The following MBP variants were observed in gnomAD, a reference collection of about 807,000 sequenced individuals.
MBP encodes the protein myelin basic protein, also known as Golli-MBP.
In MBP, 16 loss-of-function variants were observed where a neutral mutation model predicts 35.8. The ratio of observed to expected loss-of-function variants is 0.45; its 90% CI spans 0.30 to 0.68. The LOEUF is 0.68. Ranked by LOEUF, MBP falls within the 30% of genes least tolerant of loss-of-function variation. MBP has a pLI of 0.08. For synonymous variants in MBP, 143 were observed against 159.6 expected (o/e 0.90, Z 0.78); for missense variants, 380 against 404.7 (o/e 0.94, Z 0.52).
intron 2 of MBP, among the ~76,000 whole-genome samples, chr18:77,088,547 C>A (rs1016678324): frequency 6.6e-6 from 1 of 152,084 alleles, no homozygotes; most frequent in Non-Finnish European, 1.5e-5. Flanking sequence ...ATGATGCATG[C>A]GTATGATAAT....
At chr18:77,009,285 A>T (rs1382517911) in intron 4 of MBP, among the ~76,000 whole-genome samples, 5 of 152,210 alleles carry the variant, frequency 3.3e-5, no homozygotes, top group African/African-American at 9.6e-5. Flanking sequence ...ACACAAGGAG[A>T]AGAGGACAGG....
intron 1 of MBP, chr18:77,115,702 A>G (rs1186286202): frequency 6.6e-6 from 1 of 152,240 alleles, no homozygotes. Context: ...AGATCCTTCC[A>G]GATTGCAATA....
chr18:77,066,549 C>T (rs376397995), intron 2 of MBP, 164 bp from the exon 3 acceptor site: 41 of 766,370 alleles, frequency 5.3e-5, no homozygotes, highest in Middle Eastern at 4.5e-4. Context: ...GGGTTTTCTG[C>T]GCAGGATTCG....
At chr18:77,047,725 A>G (rs887301034) in intron 3 of MBP, among the ~76,000 whole-genome samples, 1 of 152,266 alleles carries the variant, frequency 6.6e-6, no homozygotes, top group African/African-American at 2.4e-5. Context: ...ACTTTTCAAC[A>G]AAACAGAAAA....
intron 2 of MBP, among the ~76,000 whole-genome samples, chr18:77,076,002 T>C (rs924387637): frequency 1.3e-5 from 2 of 152,244 alleles, no homozygotes; most frequent in Non-Finnish European, 2.9e-5. Context: ...ACATTTATCA[T>C]GAACCTTCGC....
intron 2 of MBP, among the ~76,000 whole-genome samples, chr18:77,078,989 C>T (rs754725088): frequency 9.2e-5 from 14 of 152,228 alleles, no homozygotes; most frequent in Non-Finnish European, 1.8e-4. Flanking sequence ...GTCAGGCGCT[C>T]AGCCATCACT....
At chr18:77,122,722 C>G (rs1030723625) in intron 1 of MBP, among the ~76,000 whole-genome samples, 1 of 151,962 alleles carries the variant, frequency 6.6e-6, no homozygotes, top group African/African-American at 2.4e-5. Flanking sequence ...TTTGTATTTT[C>G]AGTAGAGACA....
At chr18:77,058,848 T>G (rs763433173) in intron 3 of MBP, among the ~76,000 whole-genome samples, 4 of 152,218 alleles carry the variant, frequency 2.6e-5, no homozygotes, top group Non-Finnish European at 2.9e-5. Flanking sequence ...ACGCTGCAGT[T>G]CAACATTTTC....
intron 1 of MBP, among the ~76,000 whole-genome samples, chr18:77,119,078 G>A (rs543357517): frequency 1.4e-4 from 21 of 152,292 alleles, no homozygotes; most frequent in African/African-American, 4.1e-4. Flanking sequence ...AGGGGAAAGC[G>A]AAGACCACAG....
rs1265091212 is a variant in MBP, at chr18:76,984,811, G to A, written c.834C>T (p.Val278=). ...TTTTGGAAAGCGTGCCCTGGGCATC[G>A]ACTCCCTTGAATCCCTTGTGAGCCG... is the stretch of plus-strand genomic sequence containing the variant. The part of the protein sequence containing the change: ...YKSAHKGFKG[V]DAQGTLSKIF... The change falls in exon 8 of 9, where the codon GTC becomes GTT. Residue 278 remains valine (V), a synonymous_variant. Coordinates refer to ENST00000355994, the MANE Select transcript of MBP (RefSeq NM_001025101.2). 2 of 1,614,090 alleles carry A rather than the reference G, an allele frequency of 1.2e-6. No homozygotes were observed. The highest frequency in any genetic ancestry group is 1.1e-5 in the South Asian group (1 of 91,072).
At chr18:77,098,248 G>A (rs532119721) in intron 2 of MBP, among the ~76,000 whole-genome samples, 1 of 136,592 alleles carries the variant, frequency 7.3e-6, no homozygotes, top group Admixed American at 8.1e-5. Flanking sequence ...CACTTGCTAT[G>A]TACAAGGGGG....
Position 77,131,085 on chromosome 18 carries a change from GCACA to G in MBP, c.-26+1491_-26+1494del, listed in dbSNP as rs1156767144. ...AACACACACACGCGCGCACGCACGC[GCACA>G]CACACACACACACACACACACACAC... On this transcript the variant is annotated intron_variant, in intron 1 of 8. Transcript: ENST00000355994. The surrounding 1 kb of genome is among the most constrained non-coding windows in gnomAD (Gnocchi z 5.5). 0.015 allele frequency among the ~76,000 whole-genome samples: 805 copies of G among 53,362 alleles called. 28 individuals carry two copies. The South Asian group carries it at 0.19, about 13-fold the overall frequency. 35.0% of individuals were successfully genotyped at this position (53,362 alleles called of 152,430 possible).
intron 3 of MBP, among the ~76,000 whole-genome samples, chr18:77,047,709 G>A (rs1426815949): frequency 6.6e-6 from 1 of 152,078 alleles, no homozygotes; most frequent in Non-Finnish European, 1.5e-5. Context: ...TTGTTGCTTC[G>A]ACACAACTTT....
intron 2 of MBP, among the ~76,000 whole-genome samples, chr18:77,083,154 A>G (rs1975044979): frequency 2.6e-5 from 4 of 152,012 alleles, no homozygotes; most frequent in Admixed American, 6.6e-5. Context: ...TTTAGTAAAA[A>G]CAGGGTTTTG....
intron 1 of MBP, among the ~76,000 whole-genome samples, chr18:77,107,979 A>T (rs1296388377): frequency 1.3e-5 from 2 of 152,346 alleles, no homozygotes; most frequent in South Asian, 4.1e-4. Flanking sequence ...CAAAACGACA[A>T]CTTGATGTGT....
chr18:76,983,582 G>C (rs1599456863), intron 8 of MBP: 1 of 152,212 alleles, frequency 6.6e-6, no homozygotes, highest in African/African-American at 2.4e-5. Context: ...TTGAGGAGTG[G>C]ATCCTGCCTA....
rs188017852 is a variant in MBP at position 77,043,160 on chromosome 18, A to T, written c.139+23138T>A. On this transcript the variant is annotated intron_variant, in intron 3 of 8. Transcript: ENST00000355994. ...GAATGAAGAAACTGAAATATTTCCC[A>T]TCTATGCATCTAGAGGAGGTAGAGA... Among the ~76,000 whole-genome samples the T allele has an allele frequency of 3.2e-3, 487 of 152,336 alleles. 1 individual carries two copies. The highest frequency in any genetic ancestry group is 6.8e-3 in the Middle Eastern group (2 of 294).
chr18:77,118,589 CCCACACACACACTCCACAGACA>C (rs1156370391), intron 1 of MBP, among the ~76,000 whole-genome samples: 1 of 151,072 alleles, frequency 6.6e-6, no homozygotes, highest in Non-Finnish European at 1.5e-5. Flanking sequence ...ACCCGCCCCA[CCCACACACACACTCCACAGACA>C]CCACACACAC....
chr18:76,987,319 T>C, intron 7 of MBP: 1 of 985,448 alleles, frequency 1.0e-6, no homozygotes, highest in Non-Finnish European at 1.2e-6. Context: ...TTGTGAGTAC[T>C]AGTCCATGTA....
Sources: allele counts gnomAD v4.1 joint callset (sites outside exome capture counted in the v4.1 genomes callset), GRCh38; gene constraint gnomAD v4.1.1; non-coding constraint Gnocchi (gnomAD v3.1); transcripts MANE v1.5; gene names NCBI Gene and HGNC (gene_info 2026-07-23, HGNC 2026-07-21).